The following CCDC7 variants were observed in gnomAD, a reference collection of about 807,000 sequenced individuals.
CCDC7 encodes coiled-coil domain containing 7, also known as coiled-coil domain-containing protein 7.
Under a neutral mutation model 196.9 loss-of-function variants are expected in CCDC7, and 183 were observed. That is an observed-to-expected ratio of 0.93 (90% CI 0.82 to 1.05). The LOEUF is 1.05. Ranked by LOEUF, CCDC7 falls within the 50% of genes least tolerant of loss-of-function variation. The pLI is 0.00. For synonymous variants in CCDC7, 525 were observed against 484.6 expected (o/e 1.08, Z -1.10); for missense variants, 1,540 against 1,482.2 (o/e 1.04, Z -0.64).
At chr10:32,710,335 T>A (rs1433052352) in intron 24 of CCDC7, among the ~76,000 whole-genome samples, 1 of 152,248 alleles carries the variant, frequency 6.6e-6, no homozygotes, top group African/African-American at 2.4e-5. Flanking sequence ...CATTGCCTGG[T>A]ACCTCTTTAG....
At chr10:32,711,041 A>G (rs1314355919) in intron 24 of CCDC7, among the ~76,000 whole-genome samples, 1 of 152,182 alleles carries the variant, frequency 6.6e-6, no homozygotes, top group African/African-American at 2.4e-5. Flanking sequence ...GTACCATATC[A>G]TAAACCATAT....
intron 1 of CCDC7, 33 bp downstream of exon 2, chr10:32,451,954 C>A: frequency 6.3e-7 from 1 of 1,579,408 alleles, no homozygotes; most frequent in Non-Finnish European, 8.6e-7. Context: ...TGTTGCAGGG[C>A]CCCCATGATC....
intron 18 of CCDC7, among the ~76,000 whole-genome samples, chr10:32,601,069 T>C (rs2060947336): frequency 6.6e-6 from 1 of 152,138 alleles, no homozygotes; most frequent in Non-Finnish European, 1.5e-5. Context: ...GATGAGAAAT[T>C]GGTAGTTTAT....
intron 11 of CCDC7, among the ~76,000 whole-genome samples, chr10:32,531,587 C>T (rs191525171): frequency 2.0e-5 from 3 of 152,246 alleles, no homozygotes; most frequent in Non-Finnish European, 2.9e-5. Flanking sequence ...CATTTGGAAG[C>T]ACTCCCTTCT....
intron 18 of CCDC7, among the ~76,000 whole-genome samples, chr10:32,601,805 G>A (rs1283621667): frequency 6.6e-6 from 1 of 152,124 alleles, no homozygotes; most frequent in Non-Finnish European, 1.5e-5. Flanking sequence ...TCAGCACTCT[G>A]TAAAAACACA....
chr10:32,731,439 CT>C (rs2083948851), intron 28 of CCDC7, among the ~76,000 whole-genome samples: 1 of 151,554 alleles, frequency 6.6e-6, no homozygotes, highest in Admixed American at 6.6e-5. Flanking sequence ...GGTGAGGGTG[CT>C]TTTCAGTTTT....
At chr10:32,763,928 C>A (rs1203347910) in intron 28 of CCDC7, among the ~76,000 whole-genome samples, 1 of 151,738 alleles carries the variant, frequency 6.6e-6, no homozygotes, top group Non-Finnish European at 1.5e-5. Flanking sequence ...AGTTAATATT[C>A]TGTATACTTG....
intron 41 of CCDC7, among the ~76,000 whole-genome samples, chr10:32,859,829 C>T (rs938908300): frequency 6.6e-6 from 1 of 152,166 alleles, no homozygotes; most frequent in African/African-American, 2.4e-5. Flanking sequence ...TGGATAAATT[C>T]CTGTACACAT....
Position 32,734,183 on chromosome 10 carries a change from G to A in CCDC7, c.2905+4726G>A, listed in dbSNP as rs2084461353. ...GCAAAGATACGGAATCAGCCTAAAT[G>A]CCCATCAATGACAAATTATCTGTAT... is the stretch of plus-strand genomic sequence containing the variant. On this transcript the variant is annotated intron_variant, in intron 28 of 41. Transcript: ENST00000639629. Among the ~76,000 whole-genome samples the A allele has an allele frequency of 1.3e-5, 2 of 152,106 alleles. 1 individual carries two copies. The highest frequency in any genetic ancestry group is 4.1e-4 in the South Asian group (2 of 4,826).
intron 32 of CCDC7, among the ~76,000 whole-genome samples, chr10:32,826,803 A>G (rs1469288353): frequency 3.3e-5 from 5 of 152,234 alleles, no homozygotes; most frequent in Non-Finnish European, 7.3e-5. Flanking sequence ...CGGTGAAGGG[A>G]AATCTTCTCA....
chr10:32,637,824 A>G (rs149912786), intron 20 of CCDC7, among the ~76,000 whole-genome samples: 21,606 of 152,058 alleles, frequency 0.14, 1,880 homozygotes, highest in African/African-American at 0.25. Flanking sequence ...CTTGGGCAGT[A>G]TGGTCATTTT....
intron 26 of CCDC7, among the ~76,000 whole-genome samples, chr10:32,728,276 A>T (rs2083415023): frequency 6.6e-6 from 1 of 152,144 alleles, no homozygotes; most frequent in Admixed American, 6.6e-5. Flanking sequence ...TTTTTTAAAA[A>T]AATCCCTTAT....
intron 31 of CCDC7, among the ~76,000 whole-genome samples, chr10:32,823,030 A>G (rs1433122179): frequency 1.3e-5 from 2 of 152,214 alleles, no homozygotes; most frequent in Non-Finnish European, 2.9e-5. Context: ...CTGTAAGAGA[A>G]AGACAAAAGA....
At chr10:32,660,438 C>T (rs1400000378) in intron 20 of CCDC7, among the ~76,000 whole-genome samples, 1 of 135,546 alleles carries the variant, frequency 7.4e-6, no homozygotes, top group African/African-American at 2.8e-5. Flanking sequence ...ATCCATGTCC[C>T]TACAAAGGAC....
intron 13 of CCDC7, among the ~76,000 whole-genome samples, chr10:32,562,092 C>A (rs987233444): frequency 1.3e-4 from 20 of 152,200 alleles, no homozygotes; most frequent in African/African-American, 4.3e-4. Flanking sequence ...CCTCCCAAGA[C>A]TAAACCAGGA....
rs200558816 is a variant in CCDC7 at position 32,726,739 on chromosome 10, G to A, written c.2575G>A (p.Asp859Asn). 4.9e-5 allele frequency: 77 copies of A among 1,570,860 alleles called. No individual in the cohort carries two copies. In the East Asian group the frequency reaches 1.6e-3, roughly 33 times the overall value. Residue 859 changes from aspartate to asparagine, a missense_variant, in exon 26 of 42, where the codon GAT becomes AAT. Transcript: ENST00000639629. ...TTATGTGGTTCATTTTGTAGTACCA[G>A]ATAAAAATTCTATGTTTGTTCATCA...
chr10:32,760,900 C>G (rs2077363615), intron 28 of CCDC7, among the ~76,000 whole-genome samples: 1 of 151,964 alleles, frequency 6.6e-6, no homozygotes, highest in Non-Finnish European at 1.5e-5. Flanking sequence ...ATGCCTTCAC[C>G]TTAATTCTGA....
intron 32 of CCDC7, among the ~76,000 whole-genome samples, chr10:32,826,246 G>A (rs2091091331): frequency 6.6e-6 from 1 of 152,224 alleles, no homozygotes; most frequent in Non-Finnish European, 1.5e-5. Flanking sequence ...TATACTCCAA[G>A]AAAACTGAGT....
At chr10:32,820,479 TG>T (rs2089942909) in intron 31 of CCDC7, among the ~76,000 whole-genome samples, 1 of 152,208 alleles carries the variant, frequency 6.6e-6, no homozygotes, top group African/African-American at 2.4e-5. Flanking sequence ...AAAGTTCATA[TG>T]GAACCAAAAA....
Sources: gnomAD v4.1 joint callset for allele counts (sites outside exome capture counted in the v4.1 genomes callset) on GRCh38, gnomAD v4.1.1 for gene constraint, MANE v1.5 for transcripts, NCBI Gene and HGNC (gene_info 2026-07-23, HGNC 2026-07-21) for gene names.